DNAH6: variants seen among roughly 807,000 people sequenced by gnomAD.
DNAH6 encodes the protein axonemal beta dynein heavy chain 6.
Under a neutral mutation model 491.4 loss-of-function variants are expected in DNAH6, and 340 were observed. That is an observed-to-expected ratio of 0.69 (90% CI 0.63 to 0.76). The LOEUF is 0.76. DNAH6 is among the 30% of genes least tolerant of loss of function. The pLI is 0.00. For missense variants in DNAH6, 4,443 were observed against 4,972.2 expected (o/e 0.89, Z 3.20); for synonymous variants, 1,603 against 1,686.1 (o/e 0.95, Z 1.21).
rs142469275 is a variant in DNAH6 at position 84,647,093 on chromosome 2, C to T, written c.5078+5039C>T. 7.8e-3 allele frequency among the ~76,000 whole-genome samples: 1,181 copies of T among 152,148 alleles called. 6 individuals are homozygous for T. Among genetic ancestry groups the T allele is most frequent in the African/African-American group, 0.015 (617 of 41,504 alleles). Reference sequence around the variant, plus strand: ...AACTCCTGGCCTCAAGTGATCAGCCCGCCTCAGCCTCCCAAAGTGCTGGCA... The same window carrying T: ...AACTCCTGGCCTCAAGTGATCAGCCTGCCTCAGCCTCCCAAAGTGCTGGCA... On this transcript the variant is annotated intron_variant, in intron 33 of 76. Transcript: ENST00000389394.
the DNAH6 span, among the ~76,000 whole-genome samples, chr2:84,504,657 A>G: frequency 6.6e-6 from 1 of 152,206 alleles, no homozygotes; most frequent in Non-Finnish European, 1.5e-5. Context: ...TTGCAGACTC[A>G]TAGAGGTACC....
chr2:84,468,726 C>T, the DNAH6 span, among the ~76,000 whole-genome samples: 1 of 152,172 alleles, frequency 6.6e-6, no homozygotes. Context: ...ATGGGGCAGT[C>T]TCCATTTCCT....
At position 84,518,041 on chromosome 2, in the gene DNAH6, T is replaced by C. The variant is rs979869203; in HGVS notation, c.215T>C (p.Leu72Pro). The change falls in exon 2 of 77, where the codon CTA (leucine) becomes CCA (proline). Residue 72 changes from leucine to proline, a missense_variant. Leu to Pro is a moderately conservative substitution (Grantham distance 98). This residue lies in a region of DNAH6 where 2,977 missense variants were observed against 3,296.6 expected (regional missense o/e 0.90). Coordinates refer to ENST00000389394, the MANE Select transcript of DNAH6 (RefSeq NM_001370.2). ...KTRKRQQPIK[L>P]EPLPVLKVYQ... is the part of the protein sequence containing the mutation. Reference sequence around the variant, plus strand: ...AGAAAACGACAGCAGCCTATAAAACTAGAGCCTTTGGTAAGTTCAAAAACC... The same window carrying C: ...AGAAAACGACAGCAGCCTATAAAACCAGAGCCTTTGGTAAGTTCAAAAACC... The C allele has an allele frequency of 5.2e-6, 8 of 1,545,698 alleles. No individual in the cohort carries two copies. The highest frequency in any genetic ancestry group is 1.7e-4 in the Middle Eastern group (1 of 5,980).
the DNAH6 span, among the ~76,000 whole-genome samples, chr2:84,491,337 A>G: frequency 6.6e-6 from 1 of 152,044 alleles, no homozygotes; most frequent in Non-Finnish European, 1.5e-5. Context: ...TTTTTTGCCT[A>G]TTCTTTCTTG....
the DNAH6 span, among the ~76,000 whole-genome samples, chr2:84,488,272 C>T: frequency 2.0e-5 from 3 of 151,920 alleles, no homozygotes; most frequent in Admixed American, 2.0e-4. Flanking sequence ...TTCTGGAGGT[C>T]AGAAATCTAA....
intron 16 of DNAH6, among the ~76,000 whole-genome samples, chr2:84,589,267 A>G (rs185332889): frequency 6.6e-6 from 1 of 152,314 alleles, no homozygotes; most frequent in Non-Finnish European, 1.5e-5. Context: ...AATTAAAACC[A>G]CACTATCCTT....
intron 8 of DNAH6, 44 bp downstream of exon 8, chr2:84,548,461 T>A (rs771952808): frequency 6.2e-7 from 1 of 1,607,338 alleles, no homozygotes; most frequent in Non-Finnish European, 8.5e-7. Context: ...GTACCCATCT[T>A]AAGCTGCATT....
intron 30 of DNAH6, among the ~76,000 whole-genome samples, chr2:84,635,346 T>C (rs185511455): frequency 4.6e-5 from 7 of 152,328 alleles, no homozygotes; most frequent in Non-Finnish European, 1.0e-4. Flanking sequence ...ACGTGAAGTA[T>C]ATGTCATTTC....
chr2:84,534,008 A>T (rs1316501279), intron 4 of DNAH6, among the ~76,000 whole-genome samples: 3 of 152,136 alleles, frequency 2.0e-5, no homozygotes, highest in Non-Finnish European at 4.4e-5. Context: ...CACACTACCC[A>T]TCATTCAGAT....
At chr2:84,548,236 G>T in intron 7 of DNAH6, 52 bp from the exon 8 acceptor site, 1 of 1,529,026 alleles carries the variant, frequency 6.5e-7, no homozygotes. Flanking sequence ...TATTGAAAGA[G>T]ATGGAACTTT....
chr2:84,519,373 A>G (rs920507014), intron 2 of DNAH6, among the ~76,000 whole-genome samples: 3 of 152,142 alleles, frequency 2.0e-5, no homozygotes, highest in South Asian at 2.1e-4. Context: ...CACAGTATAA[A>G]TAATACATGA....
At chr2:84,649,599 T>C (rs952448820) in intron 33 of DNAH6, among the ~76,000 whole-genome samples, 2 of 152,152 alleles carry the variant, frequency 1.3e-5, no homozygotes, top group Non-Finnish European at 2.9e-5. Context: ...TGTTGTACCA[T>C]ATACTTCCCA....
chr2:84,747,670 G>C (rs765078507), intron 63 of DNAH6, among the ~76,000 whole-genome samples: 1 of 152,176 alleles, frequency 6.6e-6, no homozygotes, highest in Non-Finnish European at 1.5e-5. Context: ...TGGGGACTCT[G>C]TGTGGGGGCT....
chr2:84,712,264 A>G (rs1697116244), intron 56 of DNAH6, among the ~76,000 whole-genome samples: 1 of 152,258 alleles, frequency 6.6e-6, no homozygotes, highest in Non-Finnish European at 1.5e-5. Flanking sequence ...GGTAAATTTT[A>G]TCTCATAAAC....
intron 49 of DNAH6, among the ~76,000 whole-genome samples, chr2:84,702,616 C>T (rs1405396930): frequency 6.7e-6 from 1 of 149,546 alleles, no homozygotes; most frequent in Non-Finnish European, 1.5e-5. Context: ...AATCTCGGCT[C>T]ACTGCAACCT....
At position 84,595,763 on chromosome 2, in the gene DNAH6, T is replaced by C. The variant is rs1473798853; in HGVS notation, c.2842T>C (p.Tyr948His). The C allele has an allele frequency of 6.5e-7, 1 of 1,546,484 alleles. No homozygotes were observed. The highest frequency in any genetic ancestry group is 8.7e-7 in the Non-Finnish European group (1 of 1,145,538). The part of the protein sequence containing the change: ...PPNSVVPQLK[Y>H]KVEKMKEKLP... ...CAACAGTGTAGTGCCCCAGCTCAAATACAAGGTGGAAAAAATGAAAGAAAA... is the reference window on the plus strand; with the variant it reads ...CAACAGTGTAGTGCCCCAGCTCAAACACAAGGTGGAAAAAATGAAAGAAAA... Residue 948 changes from tyrosine to histidine, a missense_variant, in exon 18 of 77, where the codon TAC (tyrosine) becomes CAC (histidine). This residue lies in a region of DNAH6 where 2,977 missense variants were observed against 3,296.6 expected (regional missense o/e 0.90). Transcript: ENST00000389394.
At chr2:84,782,080 G>T (rs1676746987) in intron 65 of DNAH6, among the ~76,000 whole-genome samples, 1 of 152,040 alleles carries the variant, frequency 6.6e-6, no homozygotes, top group Non-Finnish European at 1.5e-5. Context: ...AACCCGCATG[G>T]CAACTAACCT....
intron 59 of DNAH6, among the ~76,000 whole-genome samples, chr2:84,720,360 G>T (rs1013172004): frequency 1.6e-5 from 2 of 127,742 alleles, no homozygotes; most frequent in Non-Finnish European, 3.2e-5. Context: ...CTCACTGCAA[G>T]CTCCGCCTCC....
chr2:84,493,001 A>G, the DNAH6 span, among the ~76,000 whole-genome samples: 1 of 152,060 alleles, frequency 6.6e-6, no homozygotes, highest in African/African-American at 2.4e-5. Flanking sequence ...TATACTGTAT[A>G]TTCTATATAT....
Sources: gnomAD v4.1 joint callset for allele counts (sites outside exome capture counted in the v4.1 genomes callset) on GRCh38, gnomAD v4.1.1 for gene constraint, gnomAD v4.1.1 regional missense constraint, MANE v1.5 for transcripts, NCBI Gene and HGNC (gene_info 2026-07-23, HGNC 2026-07-21) for gene names.